Variants in AGAP1 observed in about 807,000 individuals in gnomAD.
AGAP1 encodes ArfGAP with GTPase domain, ankyrin repeat and PH domain 1, also known as arf-GAP with GTPase, ANK repeat and PH domain-containing protein 1.
A neutral mutation model predicts 105.3 loss-of-function variants in AGAP1; 29 were observed. The ratio of observed to expected loss-of-function variants is 0.28; its 90% CI spans 0.21 to 0.38. The LOEUF (loss-of-function observed/expected upper bound fraction) is 0.38. AGAP1 is among the 10% of genes least tolerant of loss of function. The pLI is 1.00. For synonymous variants in AGAP1, 509 were observed against 485.9 expected (o/e 1.05, Z -0.63); for missense variants, 998 against 1,165.1 (o/e 0.86, Z 2.09).
At chr2:235,745,187 T>C (rs564144650) in intron 5 of AGAP1, among the ~76,000 whole-genome samples, 2 of 152,252 alleles carry the variant, frequency 1.3e-5, no homozygotes, top group Non-Finnish European at 2.9e-5. Context: ...TATATTTTAA[T>C]TCTCTGTTCT....
At chr2:235,524,045 G>T (rs1056044488) in intron 1 of AGAP1, among the ~76,000 whole-genome samples, 14 of 152,238 alleles carry the variant, frequency 9.2e-5, no homozygotes, top group African/African-American at 3.4e-4. Flanking sequence ...CATCCTTCCA[G>T]TGGGGATGAC....
chr2:235,782,973 G>C (rs1172870041), intron 6 of AGAP1, among the ~76,000 whole-genome samples: 1 of 151,832 alleles, frequency 6.6e-6, no homozygotes, highest in Non-Finnish European at 1.5e-5. Context: ...ATTGTGGTTT[G>C]TTTATTTTAG....
At chr2:235,913,421 A>G (rs2051717268) in intron 11 of AGAP1, among the ~76,000 whole-genome samples, 1 of 152,144 alleles carries the variant, frequency 6.6e-6, no homozygotes, top group Admixed American at 6.5e-5. Context: ...TAAATAATCA[A>G]CTGTCGTTTT....
chr2:235,716,498 A>G lies in AGAP1; in HGVS notation c.223-1059A>G, dbSNP rs1294159137. The stretch of plus-strand genomic sequence containing the variant: ...GAGGTCAACAAGTGGAACCGAGAGC[A>G]AGCGGGGTGAGTCCCAGCTCAGGGA... On this transcript the variant is annotated intron_variant, in intron 2 of 17. Coordinates refer to ENST00000304032, the MANE Select transcript of AGAP1 (RefSeq NM_001037131.3). The surrounding 1 kb of genome is among the most constrained non-coding windows in gnomAD (Gnocchi z 4.0). Among the ~76,000 whole-genome samples the G allele has an allele frequency of 2.6e-5, 4 of 152,140 alleles. No homozygotes were observed. Among genetic ancestry groups the G allele is most frequent in the African/African-American group, 9.7e-5 (4 of 41,422 alleles).
At chr2:235,797,375 G>T (rs139394702) in intron 6 of AGAP1, among the ~76,000 whole-genome samples, 1 of 152,022 alleles carries the variant, frequency 6.6e-6, no homozygotes, top group Non-Finnish European at 1.5e-5. Context: ...TCCCAGTGTC[G>T]CCTCGTGTTC....
At chr2:235,558,520 C>G (rs1016171048) in intron 1 of AGAP1, among the ~76,000 whole-genome samples, 1 of 152,172 alleles carries the variant, frequency 6.6e-6, no homozygotes, top group Non-Finnish European at 1.5e-5. Flanking sequence ...CCATCCACTT[C>G]CTTTCCCTTT....
intron 9 of AGAP1, among the ~76,000 whole-genome samples, chr2:235,818,711 G>GACTTA (rs1958605664): frequency 6.6e-6 from 1 of 152,224 alleles, no homozygotes; most frequent in African/African-American, 2.4e-5. Flanking sequence ...CTAAGTAGCT[G>GACTTA]GGATTACAGG....
intron 1 of AGAP1, chr2:235,669,703 C>A: frequency 6.7e-6 from 1 of 148,408 alleles, no homozygotes; most frequent in South Asian, 1.9e-4. Flanking sequence ...CAGGGAGTGG[C>A]GGAGGCTGCG....
chr2:236,008,075 G>A (rs552034283), intron 13 of AGAP1, among the ~76,000 whole-genome samples: 1 of 152,216 alleles, frequency 6.6e-6, no homozygotes, highest in Non-Finnish European at 1.5e-5. Context: ...AATTTGGATT[G>A]CCAAGTATTC....
intron 12 of AGAP1, among the ~76,000 whole-genome samples, chr2:235,944,445 C>A (rs1314347726): frequency 2.0e-5 from 3 of 152,192 alleles, no homozygotes; most frequent in African/African-American, 7.2e-5. Flanking sequence ...AAGCATACGA[C>A]TTAAGAATTA....
chr2:235,938,207 C>T (rs1575827452), intron 12 of AGAP1, among the ~76,000 whole-genome samples: 1 of 152,174 alleles, frequency 6.6e-6, no homozygotes, highest in Admixed American at 6.5e-5. Flanking sequence ...CCAGAGCCTT[C>T]CCTGCTTCAG....
At position 235,686,588 on chromosome 2, in the gene AGAP1, CGT is replaced by C. The variant is rs1553605460; in HGVS notation, c.164-22582_164-22581del. ...ACACACACACACACACACACACACA[CGT>C]GTGTGTGTATATATATACGTGGAGA... On this transcript the variant is annotated intron_variant, in intron 1 of 17. Transcript: ENST00000304032. 2.0e-3 allele frequency among the ~76,000 whole-genome samples: 219 copies of C among 108,498 alleles called. 2 individuals carry two copies. The highest frequency in any genetic ancestry group is 5.4e-3 in the African/African-American group (160 of 29,754). The allele number at this position is 108,498 out of a possible 152,430, so 71.2% of individuals were successfully genotyped here. A position where few individuals can be genotyped will look rare whatever the true frequency, so the allele number is the denominator to read the frequency against.
At position 235,824,778 on chromosome 2, in the gene AGAP1, A is replaced by G. The variant is rs1489650912; in HGVS notation, c.1050+17447A>G. Among the ~76,000 whole-genome samples, 2 of 152,174 alleles carry G rather than the reference A, an allele frequency of 1.3e-5. No homozygotes were observed. Among genetic ancestry groups the G allele is most frequent in the Non-Finnish European group, 2.9e-5 (2 of 68,038 alleles). On this transcript the variant is annotated intron_variant, in intron 9 of 17. Transcript: ENST00000304032. The surrounding 1 kb of genome is among the most constrained non-coding windows in gnomAD (Gnocchi z 5.2). Reference sequence around the variant, plus strand: ...CTTTCGCGGTACCAAGAAATGCTCAACCTAAAACACAACTGTGTTTTTCTC... The same window carrying G: ...CTTTCGCGGTACCAAGAAATGCTCAGCCTAAAACACAACTGTGTTTTTCTC...
chr2:235,930,806 A>G lies in AGAP1; in HGVS notation c.1366A>G (p.Ile456Val). The G allele has an allele frequency of 6.2e-7, 1 of 1,614,042 alleles. No individual in the cohort carries two copies. Among genetic ancestry groups the G allele is most frequent in the Non-Finnish European group, 8.5e-7 (1 of 1,179,996 alleles). Reference sequence around the variant, plus strand: ...ATCTGGGTCTCAGATGGCAAGCGGCATCAGCCTGGTCTCCTTCAACAGCCG... The same window carrying G: ...ATCTGGGTCTCAGATGGCAAGCGGCGTCAGCCTGGTCTCCTTCAACAGCCG... ...SASGSQMASGISLVSFNSRPD... is the reference protein window; with the variant it reads ...SASGSQMASGVSLVSFNSRPD... The change falls in exon 12 of 18, where the codon ATC becomes GTC. Residue 456 changes from isoleucine (I) to valine (V), a missense_variant. By Grantham distance (29) the Ile-to-Val change is conservative. Around this residue, in one of 3 missense-constraint regions of AGAP1, gnomAD observed 735 missense variants for 833.4 expected, o/e 0.88. Coordinates refer to ENST00000304032, the MANE Select transcript of AGAP1 (RefSeq NM_001037131.3). The surrounding 1 kb of genome is among the most constrained non-coding windows in gnomAD (Gnocchi z 7.9).
rs973628146 is a variant in AGAP1 at position 235,855,592 on chromosome 2, C to T, written c.1051-27753C>T. ...AGGGTATCATTCTTTCCTTTAGATT[C>T]GTTGCCCTGAACTTTTGATTTTGAT... On this transcript the variant is annotated intron_variant, in intron 9 of 17. Coordinates refer to ENST00000304032, the MANE Select transcript of AGAP1 (RefSeq NM_001037131.3). The surrounding 1 kb of genome is among the most constrained non-coding windows in gnomAD (Gnocchi z 5.0). Among the ~76,000 whole-genome samples the T allele has an allele frequency of 3.9e-5, 6 of 152,162 alleles. No individual in the cohort carries two copies. Among genetic ancestry groups the T allele is most frequent in the Admixed American group, 2.6e-4 (4 of 15,276 alleles).
intron 6 of AGAP1, among the ~76,000 whole-genome samples, chr2:235,768,906 G>T (rs1351555057): frequency 6.6e-6 from 1 of 152,212 alleles, no homozygotes; most frequent in Non-Finnish European, 1.5e-5. Context: ...TCTTACAGAA[G>T]AAGAAACACC....
intron 1 of AGAP1, among the ~76,000 whole-genome samples, chr2:235,627,000 A>G (rs1437942855): frequency 6.6e-6 from 1 of 151,854 alleles, no homozygotes; most frequent in Non-Finnish European, 1.5e-5. Flanking sequence ...TGTTGGGTTT[A>G]TTTTCACTGT....
In AGAP1 at chr2:236,061,797, TACATCCTTGC is replaced by T. The variant is rs2058202857; in HGVS notation, c.2114+12518_2114+12527del. Among the ~76,000 whole-genome samples the T allele has an allele frequency of 6.6e-6, 1 of 151,850 alleles. No individual in the cohort carries two copies. Among genetic ancestry groups the T allele is most frequent in the South Asian group, 2.1e-4 (1 of 4,802 alleles). On this transcript the variant is annotated intron_variant, in intron 16 of 17. Coordinates refer to ENST00000304032, the MANE Select transcript of AGAP1 (RefSeq NM_001037131.3). This position sits in a 1 kb window ranked among gnomAD's most constrained non-coding sequence, Gnocchi z 4.1. The stretch of plus-strand genomic sequence containing the variant: ...TGGATTTACATAGTAGTGATGGTTG[TACATCCTTGC>T]AAATATACTAAAAACCACTGAGTTG...
In AGAP1 at chr2:236,125,694, C is replaced by T. The variant is rs1216525749; in HGVS notation, c.*1572C>T. ...ACTGGCTCCTGAGAACCCAGACGAC[C>T]TTGACCTGGCAGCCCGGCCCTCCAC... is the stretch of plus-strand genomic sequence containing the variant. On this transcript the variant is annotated 3_prime_UTR_variant, in exon 18 of 18. Transcript: ENST00000304032. This position sits in a 1 kb window ranked among gnomAD's most constrained non-coding sequence, Gnocchi z 5.2. 2.0e-5 allele frequency: 3 copies of T among 152,248 alleles called. No individual in the cohort carries two copies. Among genetic ancestry groups the T allele is most frequent in the Admixed American group, 2.0e-4 (3 of 15,290 alleles). 9.4% of individuals were successfully genotyped at this position (152,248 alleles called of 1,614,324 possible).
Sources: gnomAD v4.1 joint callset for allele counts (sites outside exome capture counted in the v4.1 genomes callset) on GRCh38, gnomAD v4.1.1 for gene constraint, gnomAD v4.1.1 regional missense constraint, Gnocchi (gnomAD v3.1) non-coding constraint, MANE v1.5 for transcripts, NCBI Gene and HGNC (gene_info 2026-07-23, HGNC 2026-07-21) for gene names.